The following CABCOCO1 variants were observed in gnomAD, a reference collection of about 807,000 sequenced individuals.
The protein encoded by CABCOCO1 is ciliary-associated calcium-binding coiled-coil protein 1.
CABCOCO1 carries 28 observed loss-of-function variants against 35.7 expected under a neutral mutation model. That is an observed-to-expected ratio of 0.78 (90% confidence interval 0.58 to 1.07). The LOEUF is 1.07. Among genes scored for constraint, CABCOCO1 ranks in the 50% least tolerant of loss-of-function variants. CABCOCO1 has a pLI of 0.00. For synonymous variants in CABCOCO1, 95 were observed against 100.1 expected (o/e 0.95, Z 0.30); for missense variants, 326 against 309.2 (o/e 1.05, Z -0.41).
intron 4 of CABCOCO1, among the ~76,000 whole-genome samples, chr10:61,688,569 A>G (rs1164566438): frequency 6.6e-6 from 1 of 152,204 alleles, no homozygotes; most frequent in Admixed American, 6.5e-5. Context: ...AACATCATTT[A>G]CATATATACG....
intron 5 of CABCOCO1, among the ~76,000 whole-genome samples, chr10:61,726,733 C>T (rs1216954931): frequency 6.6e-6 from 1 of 151,832 alleles, no homozygotes; most frequent in Non-Finnish European, 1.5e-5. Context: ...CTCCTTTTTA[C>T]TCCTACAGCC....
At chr10:61,705,803 C>T (rs532600902) in intron 5 of CABCOCO1, among the ~76,000 whole-genome samples, 1 of 152,310 alleles carries the variant, frequency 6.6e-6, no homozygotes, top group South Asian at 2.1e-4. Context: ...ATTACACACA[C>T]ATAATCTTCA....
Position 61,681,357 on chromosome 10 carries a change from C to T in CABCOCO1, c.334+45C>T, listed in dbSNP as rs1209796938. On this transcript the variant is annotated intron_variant, in intron 3 of 7. Coordinates refer to ENST00000648843, the MANE Select transcript of CABCOCO1 (RefSeq NM_001366906.2). ...TTGAAGTAAAACAAATTTAATTTACCATATAAATTGAGGTTCTTAAGCAAA... is the reference window on the plus strand; with the variant it reads ...TTGAAGTAAAACAAATTTAATTTACTATATAAATTGAGGTTCTTAAGCAAA... The T allele has an allele frequency of 1.2e-5, 16 of 1,369,870 alleles. No individual in the cohort carries two copies. The East Asian group carries it at 3.1e-4, about 27-fold the overall frequency. 84.9% of individuals were successfully genotyped at this position (1,369,870 alleles called of 1,614,324 possible).
intron 5 of CABCOCO1, among the ~76,000 whole-genome samples, chr10:61,697,256 A>G (rs554050935): frequency 6.6e-6 from 1 of 152,222 alleles, no homozygotes; most frequent in South Asian, 2.1e-4. Flanking sequence ...GTAAATCAGA[A>G]GGGAAATACT....
intron 5 of CABCOCO1, among the ~76,000 whole-genome samples, chr10:61,726,590 T>C (rs72823821): frequency 0.1 from 15,238 of 152,084 alleles, 925 homozygotes; most frequent in Middle Eastern, 0.17. Flanking sequence ...TGTTTATTTT[T>C]ATGAATAAAA....
At chr10:61,697,551 A>G (rs10821909) in intron 5 of CABCOCO1, among the ~76,000 whole-genome samples, 61,313 of 151,970 alleles carry the variant, frequency 0.4, 14,460 homozygotes, top group Middle Eastern at 0.54. Context: ...ATTTATACTA[A>G]CAATTAATAT....
intron 5 of CABCOCO1, among the ~76,000 whole-genome samples, chr10:61,749,700 C>A (rs1841739380): frequency 6.6e-6 from 1 of 152,212 alleles, no homozygotes; most frequent in South Asian, 2.1e-4. Context: ...TAATGAACTA[C>A]TAGGGTTCCC....
intron 5 of CABCOCO1, among the ~76,000 whole-genome samples, chr10:61,707,094 C>T (rs1391905176): frequency 6.6e-6 from 1 of 152,068 alleles, no homozygotes; most frequent in Non-Finnish European, 1.5e-5. Context: ...AAATGAGATT[C>T]GAATTGGGTT....
At chr10:61,711,370 G>A (rs1840730335) in intron 5 of CABCOCO1, among the ~76,000 whole-genome samples, 1 of 151,880 alleles carries the variant, frequency 6.6e-6, no homozygotes, top group African/African-American at 2.4e-5. Flanking sequence ...AGCTGTCAGG[G>A]CAAATATGAC....
intron 3 of CABCOCO1, among the ~76,000 whole-genome samples, chr10:61,682,456 A>G (rs1839822011): frequency 6.6e-6 from 1 of 152,234 alleles, no homozygotes; most frequent in South Asian, 2.1e-4. Context: ...AAGGTGAAGT[A>G]TGTTTACACT....
At chr10:61,698,402 G>A (rs1840350921) in intron 5 of CABCOCO1, among the ~76,000 whole-genome samples, 1 of 152,116 alleles carries the variant, frequency 6.6e-6, no homozygotes. Flanking sequence ...GCAGCCATTG[G>A]TGGAGGCCCT....
At chr10:61,757,231 T>C (rs1841915964) in intron 5 of CABCOCO1, among the ~76,000 whole-genome samples, 1 of 152,100 alleles carries the variant, frequency 6.6e-6, no homozygotes, top group African/African-American at 2.4e-5. Context: ...TCCTTAAACT[T>C]GCTTTTTAAA....
At chr10:61,687,705 C>T (rs2131989184) in intron 4 of CABCOCO1, among the ~76,000 whole-genome samples, 1 of 152,250 alleles carries the variant, frequency 6.6e-6, no homozygotes, top group African/African-American at 2.4e-5. Flanking sequence ...TGTTAGTCAC[C>T]TTTAGATTCT....
chr10:61,682,885 A>ATTTTTTT (rs1554821774), intron 3 of CABCOCO1, among the ~76,000 whole-genome samples: 1 of 43,626 alleles, frequency 2.3e-5, no homozygotes, highest in Non-Finnish European at 5.8e-5. Context: ...TTTCACATGA[A>ATTTTTTT]TTTCTTTTTT....
intron 5 of CABCOCO1, among the ~76,000 whole-genome samples, chr10:61,743,411 C>T (rs1841591188): frequency 6.6e-6 from 1 of 152,122 alleles, no homozygotes; most frequent in South Asian, 2.1e-4. Flanking sequence ...ATATTTAAAA[C>T]ATTAGCACTC....
chr10:61,694,637 A>G (rs1290504229), intron 5 of CABCOCO1, among the ~76,000 whole-genome samples: 1 of 151,994 alleles, frequency 6.6e-6, no homozygotes, highest in African/African-American at 2.4e-5. Context: ...TTTTTTTAAG[A>G]CTTAAATGTT....
chr10:61,727,686 G>A (rs718146), intron 5 of CABCOCO1, among the ~76,000 whole-genome samples: 65,792 of 152,036 alleles, frequency 0.43, 16,004 homozygotes, highest in Non-Finnish European at 0.55. Context: ...TTTCTGTAGC[G>A]TGTATTTACA....
intron 4 of CABCOCO1, among the ~76,000 whole-genome samples, chr10:61,690,194 T>C (rs1257940120): frequency 6.6e-6 from 1 of 152,086 alleles, no homozygotes; most frequent in Admixed American, 6.6e-5. Context: ...AAAGAGCAAA[T>C]AATGTAAAGT....
At chr10:61,675,657 T>G (rs1839491556) in intron 2 of CABCOCO1, among the ~76,000 whole-genome samples, 1 of 151,860 alleles carries the variant, frequency 6.6e-6, no homozygotes. Context: ...GAAAACTAAC[T>G]GCTAGAAACA....
Sources: gnomAD v4.1 joint callset for allele counts (sites outside exome capture counted in the v4.1 genomes callset) on GRCh38, gnomAD v4.1.1 for gene constraint, MANE v1.5 for transcripts, NCBI Gene and HGNC (gene_info 2026-07-23, HGNC 2026-07-21) for gene names.